The following OXR1 variants were observed in gnomAD, a reference collection of about 807,000 sequenced individuals.
The protein encoded by OXR1 is oxidation resistance 1, also known as oxidation resistance protein 1.
OXR1 carries 41 observed loss-of-function variants against 104.6 expected under a neutral mutation model. The observed-to-expected ratio is 0.39, with a 90% CI of 0.31 to 0.51. The LOEUF is 0.51. OXR1 is among the 20% of genes least tolerant of loss of function. The pLI, the probability that OXR1 is intolerant of heterozygous loss-of-function variation, is 0.77. For synonymous variants in OXR1, 348 were observed against 348.4 expected, an observed-to-expected ratio of 1.00 and a Z score of 0.01; for missense variants, 955 against 1,031.9, an observed-to-expected ratio of 0.93 and a Z score of 1.02.
chr8:106,659,757 G>C (rs886764603), intron 3 of OXR1, among the ~76,000 whole-genome samples: 2 of 152,208 alleles, frequency 1.3e-5, no homozygotes, highest in African/African-American at 4.8e-5. Flanking sequence ...CTGCTCAGGA[G>C]GCTGGGGCGG....
intron 1 of OXR1, among the ~76,000 whole-genome samples, chr8:106,310,021 A>G (rs1813631500): frequency 6.6e-6 from 1 of 151,456 alleles, no homozygotes; most frequent in Non-Finnish European, 1.5e-5. Flanking sequence ...TTTGTTTTGC[A>G]TATTGTCTTC....
At position 106,684,818 on chromosome 8, in the gene OXR1, TTATC is replaced by T. The variant is rs576673299; in HGVS notation, c.525+462_525+465del. ...CCAAGAATTGACATAGTAGATTAAT[TTATC>T]TAGCATTTCTAAGGAATGAGTGTTC... On this transcript the variant is annotated intron_variant, in intron 6 of 16. Coordinates refer to ENST00000517566, the MANE Select transcript of OXR1 (RefSeq NM_001198533.2). Among the ~76,000 whole-genome samples the T allele has an allele frequency of 1.6e-3, 240 of 152,290 alleles. 1 individual carries two copies. Among genetic ancestry groups the T allele is most frequent in the African/African-American group, 5.5e-3 (228 of 41,572 alleles).
At chr8:106,719,660 TCA>T (rs1303009372) in intron 11 of OXR1, among the ~76,000 whole-genome samples, 5 of 152,312 alleles carry the variant, frequency 3.3e-5, no homozygotes, top group Admixed American at 6.5e-5. Context: ...CTGTAGAATG[TCA>T]CACAGTCTGG....
intron 1 of OXR1, among the ~76,000 whole-genome samples, chr8:106,312,757 C>G (rs1813763238): frequency 6.6e-6 from 1 of 152,210 alleles, no homozygotes; most frequent in Non-Finnish European, 1.5e-5. Flanking sequence ...ATTAAAACCC[C>G]AACTTGTGTA....
At chr8:106,561,204 C>T (rs1198331571) in intron 3 of OXR1, among the ~76,000 whole-genome samples, 1 of 152,020 alleles carries the variant, frequency 6.6e-6, no homozygotes, top group Non-Finnish European at 1.5e-5. Flanking sequence ...CCGCCAGAGC[C>T]CAGAAAGCTA....
chr8:106,403,592 C>A (rs924690852), intron 2 of OXR1, among the ~76,000 whole-genome samples: 2 of 152,194 alleles, frequency 1.3e-5, no homozygotes, highest in African/African-American at 2.4e-5. Context: ...AAATAACAAG[C>A]CTACCCTAAC....
At chr8:106,721,365 T>C (rs1332163880) in intron 11 of OXR1, among the ~76,000 whole-genome samples, 1 of 152,144 alleles carries the variant, frequency 6.6e-6, no homozygotes, top group East Asian at 1.9e-4. Context: ...GCTAAGAAAC[T>C]GGTTTTATTA....
intron 3 of OXR1, among the ~76,000 whole-genome samples, chr8:106,579,706 G>A (rs1342618153): frequency 6.6e-6 from 1 of 151,826 alleles, no homozygotes; most frequent in Non-Finnish European, 1.5e-5. Flanking sequence ...AAGGAGGGGA[G>A]CCAGGAATTA....
intron 2 of OXR1, among the ~76,000 whole-genome samples, chr8:106,505,013 A>G (rs1812063787): frequency 1.3e-5 from 2 of 152,210 alleles, no homozygotes; most frequent in Non-Finnish European, 2.9e-5. Context: ...GTTTAAAAGA[A>G]TCTTCTACCT....
rs74555823 is a variant in OXR1 at position 106,306,876 on chromosome 8, A to T, written c.-139+36509A>T. ...GTGCATTTTGCTCTGTGTAGATTTT[A>T]TGTAGATTTTCAAAATAGATTGTAG... is the stretch of plus-strand genomic sequence containing the variant. On this transcript the variant is annotated intron_variant, in intron 1 of 16. Transcript: ENST00000517566. 5.3e-5 allele frequency among the ~76,000 whole-genome samples: 8 copies of T among 151,946 alleles called. 1 individual carries two copies. In the East Asian group the frequency reaches 1.6e-3, roughly 30 times the overall value.
chr8:106,394,823 G>T (rs997876207), intron 2 of OXR1, among the ~76,000 whole-genome samples: 1 of 152,046 alleles, frequency 6.6e-6, no homozygotes, highest in African/African-American at 2.4e-5. Flanking sequence ...CATGCTACTT[G>T]GGTGGCAGAA....
At chr8:106,660,776 G>A (rs1377878016) in intron 3 of OXR1, among the ~76,000 whole-genome samples, 2 of 152,168 alleles carry the variant, frequency 1.3e-5, no homozygotes, top group African/African-American at 2.4e-5. Flanking sequence ...ACTTTGGGAG[G>A]CCGAGACGGG....
intron 3 of OXR1, among the ~76,000 whole-genome samples, chr8:106,551,414 T>C (rs889186470): frequency 3.9e-5 from 6 of 152,160 alleles, no homozygotes; most frequent in African/African-American, 7.2e-5. Context: ...CAAAAATATA[T>C]AAACTTTTAA....
At chr8:106,413,460 G>A (rs911125300) in intron 2 of OXR1, among the ~76,000 whole-genome samples, 1 of 152,132 alleles carries the variant, frequency 6.6e-6, no homozygotes, top group African/African-American at 2.4e-5. Flanking sequence ...AAAATTTAAG[G>A]TATCCTAGAC....
intron 3 of OXR1, among the ~76,000 whole-genome samples, chr8:106,552,782 T>C (rs956770113): frequency 1.3e-5 from 2 of 152,226 alleles, no homozygotes; most frequent in African/African-American, 4.8e-5. Context: ...TGAAATTCAT[T>C]TGAAATGCAG....
At chr8:106,439,194 G>A (rs1197328645) in intron 2 of OXR1, among the ~76,000 whole-genome samples, 9 of 152,002 alleles carry the variant, frequency 5.9e-5, no homozygotes, top group Non-Finnish European at 1.0e-4. Flanking sequence ...CCTTTGAGAG[G>A]CAATAAGGAT....
In OXR1 at chr8:106,573,427, A is replaced by T. The variant is rs1261282109; in HGVS notation, c.220+54288A>T. Among the ~76,000 whole-genome samples the T allele has an allele frequency of 2.6e-5, 4 of 152,014 alleles. 1 individual carries two copies. The highest frequency in any genetic ancestry group is 2.0e-4 in the Admixed American group (3 of 15,254). ...ATACTTTCAGGAATTAAATTCAAGG[A>T]AGAGTTTATTGAGTGAAATGCCAAA... On this transcript the variant is annotated intron_variant, in intron 3 of 16. Transcript: ENST00000517566.
At chr8:106,514,492 C>T (rs1469362029) in intron 2 of OXR1, among the ~76,000 whole-genome samples, 1 of 151,952 alleles carries the variant, frequency 6.6e-6, no homozygotes, top group Non-Finnish European at 1.5e-5. Flanking sequence ...TGATGCCCTT[C>T]GAGTCTTGGT....
At chr8:106,736,165 A>ACC (rs5893803) in intron 11 of OXR1, among the ~76,000 whole-genome samples, 15,290 of 143,632 alleles carry the variant, frequency 0.11, 887 homozygotes, top group Non-Finnish European at 0.16. Context: ...TTTATCTGAC[A>ACC]CCCCCCCCCA....
Sources: gnomAD v4.1 joint callset for allele counts (sites outside exome capture counted in the v4.1 genomes callset) on GRCh38, gnomAD v4.1.1 for gene constraint, MANE v1.5 for transcripts, NCBI Gene and HGNC (gene_info 2026-07-23, HGNC 2026-07-21) for gene names.